CCDC88C: variants seen among roughly 807,000 people sequenced by gnomAD.
CCDC88C encodes the protein protein Daple.
Under a neutral mutation model 198.8 loss-of-function variants are expected in CCDC88C, and 131 were observed. That is an observed-to-expected ratio of 0.66 (90% confidence interval 0.57 to 0.76). CCDC88C has a LOEUF of 0.76. CCDC88C is among the 30% of genes least tolerant of loss of function. The pLI is 0.00. For missense variants in CCDC88C, 2,553 were observed against 2,631.6 expected, an observed-to-expected ratio of 0.97 and a Z score of 0.65; for synonymous variants, 1,166 against 1,114.7, an observed-to-expected ratio of 1.05 and a Z score of -0.92.
rs536963700 is a variant in CCDC88C at position 91,322,120 on chromosome 14, C to G, written c.1343-816G>C. 2.6e-3 allele frequency among the ~76,000 whole-genome samples: 389 copies of G among 152,212 alleles called. 5 individuals are homozygous for G. Among genetic ancestry groups the G allele is most frequent in the South Asian group, 1.0e-2 (48 of 4,818 alleles). On this transcript the variant is annotated intron_variant, in intron 12 of 29. Transcript: ENST00000389857. ...TAAGAAAGGAGCCCGGTTCTTCCCCCCTTCATTTACCCAACCCAGTGCCAC... is the reference window on the plus strand; with the variant it reads ...TAAGAAAGGAGCCCGGTTCTTCCCCGCTTCATTTACCCAACCCAGTGCCAC...
At chr14:91,319,539 C>T (rs1224398346) in intron 13 of CCDC88C, among the ~76,000 whole-genome samples, 1 of 152,224 alleles carries the variant, frequency 6.6e-6, no homozygotes, top group African/African-American at 2.4e-5. Flanking sequence ...GGCTTTGCAG[C>T]CCCAAAGATG....
chr14:91,358,921 C>G (rs909427952), intron 4 of CCDC88C, among the ~76,000 whole-genome samples: 1 of 152,104 alleles, frequency 6.6e-6, no homozygotes, highest in Non-Finnish European at 1.5e-5. Context: ...GCTCCGTCAC[C>G]GAGCATGAAC....
At chr14:91,281,004 T>C (rs1054005702) in intron 27 of CCDC88C, among the ~76,000 whole-genome samples, 1 of 152,250 alleles carries the variant, frequency 6.6e-6, no homozygotes, top group Non-Finnish European at 1.5e-5. Context: ...AGGCAGGTAC[T>C]GTTTACTGTC....
intron 10 of CCDC88C, among the ~76,000 whole-genome samples, chr14:91,331,424 G>C (rs1892821039): frequency 6.6e-6 from 1 of 152,206 alleles, no homozygotes; most frequent in Non-Finnish European, 1.5e-5. Flanking sequence ...CTGGGGCCCT[G>C]TCTCCAGGCC....
At chr14:91,345,224 ACT>A (rs1893496939) in intron 4 of CCDC88C, among the ~76,000 whole-genome samples, 2 of 102,388 alleles carry the variant, frequency 2.0e-5, no homozygotes, top group African/African-American at 4.2e-5. Context: ...ACAGAGTCTC[ACT>A]CTGTCACCCA....
chr14:91,393,555 C>T (rs962173592), intron 3 of CCDC88C, among the ~76,000 whole-genome samples: 4 of 152,184 alleles, frequency 2.6e-5, no homozygotes, highest in African/African-American at 9.7e-5. Context: ...CAAAATAGCC[C>T]AGAGTTCTCA....
At chr14:91,292,362 G>C (rs200643373) in intron 23 of CCDC88C, among the ~76,000 whole-genome samples, 2 of 148,452 alleles carry the variant, frequency 1.3e-5, no homozygotes, top group Non-Finnish European at 3.0e-5. Flanking sequence ...ATGCAAAAAC[G>C]TCATCAAATA....
chr14:91,278,078 G>C lies in CCDC88C; in HGVS notation c.4902C>G (p.Pro1634=), dbSNP rs1401306090. The C allele has an allele frequency of 6.2e-7, 1 of 1,612,512 alleles. No homozygotes were observed. The highest frequency in any genetic ancestry group is 8.5e-7 in the Non-Finnish European group (1 of 1,179,396). Residue 1634 remains proline (P), a synonymous_variant, in exon 29 of 30, where the codon CCC becomes CCG. Transcript: ENST00000389857. ...GRNALGRHEY[P]LPRNGPLPQE... ...GTGGGAGAGGCCCGTTCCGAGGCAA[G>C]GGGTACTCGTGGCGGCCGAGGGCGT...
intron 2 of CCDC88C, among the ~76,000 whole-genome samples, chr14:91,412,895 A>G (rs1261862200): frequency 6.6e-6 from 1 of 152,168 alleles, no homozygotes; most frequent in East Asian, 1.9e-4. Flanking sequence ...CTTTTATCCT[A>G]AGCTTCTACA....
chr14:91,367,005 G>T (rs1368870673), intron 3 of CCDC88C, among the ~76,000 whole-genome samples: 1 of 152,264 alleles, frequency 6.6e-6, no homozygotes, highest in East Asian at 1.9e-4. Flanking sequence ...GCATGTGGCA[G>T]AGGTTAGCTT....
chr14:91,295,975 C>T (rs1209195546), intron 22 of CCDC88C, among the ~76,000 whole-genome samples: 2 of 152,224 alleles, frequency 1.3e-5, no homozygotes, highest in African/African-American at 4.8e-5. Context: ...AGAGCACTGC[C>T]TGCAAGCCAG....
At chr14:91,291,955 C>T (rs1050843082) in intron 23 of CCDC88C, among the ~76,000 whole-genome samples, 24 of 152,200 alleles carry the variant, frequency 1.6e-4, no homozygotes, top group African/African-American at 5.3e-4. Flanking sequence ...TTCGGAGCCG[C>T]GCTGCCCATG....
chr14:91,330,879 G>T (rs960599250), intron 10 of CCDC88C, among the ~76,000 whole-genome samples: 2 of 152,106 alleles, frequency 1.3e-5, no homozygotes, highest in Non-Finnish European at 2.9e-5. Context: ...AAGGCGGCAG[G>T]GCAGGTGAGC....
chr14:91,403,004 C>T (rs1374158487), intron 3 of CCDC88C, among the ~76,000 whole-genome samples: 6 of 152,136 alleles, frequency 3.9e-5, no homozygotes, highest in Admixed American at 3.9e-4. Context: ...TGATCGTAAA[C>T]TCTAAATCTC....
intron 12 of CCDC88C, among the ~76,000 whole-genome samples, chr14:91,322,779 T>A (rs61988401): frequency 0.062 from 9,425 of 152,276 alleles, 322 homozygotes; most frequent in African/African-American, 0.084. Flanking sequence ...ACCACAGAGA[T>A]TAATTTTTAA....
intron 3 of CCDC88C, among the ~76,000 whole-genome samples, chr14:91,391,150 C>T (rs1343340190): frequency 6.6e-6 from 1 of 152,094 alleles, no homozygotes; most frequent in Non-Finnish European, 1.5e-5. Context: ...TCACTGGCAC[C>T]TGTGTGTTGA....
In CCDC88C at chr14:91,272,790, A is replaced by C. The variant is rs777585873; in HGVS notation, c.5922T>G (p.Ser1974Arg). Residue 1974 changes from serine to arginine, a missense_variant, in exon 30 of 30, where the codon AGT becomes AGG. Ser to Arg is a moderately radical substitution (Grantham distance 110). This residue lies in a region of CCDC88C where 1,293 missense variants were observed against 1,219.6 expected (regional missense o/e 1.06). Transcript: ENST00000389857. Reference sequence around the variant, plus strand: ...CTGGGCTCTTGGCCGGAAGCCCCTCACTGCAGCCCTGCCCCGGGACCCCGT... The same window carrying C: ...CTGGGCTCTTGGCCGGAAGCCCCTCCCTGCAGCCCTGCCCCGGGACCCCGT... ...EGDGVPGQGC[S>R]EGLPAKSPGR... The C allele has an allele frequency of 2.4e-5, 38 of 1,603,474 alleles. 1 individual carries two copies. The highest frequency in any genetic ancestry group is 3.3e-4 in the Middle Eastern group (2 of 6,020).
At chr14:91,300,657 C>T (rs1304919883) in intron 20 of CCDC88C, among the ~76,000 whole-genome samples, 1 of 152,160 alleles carries the variant, frequency 6.6e-6, no homozygotes, top group African/African-American at 2.4e-5. Flanking sequence ...TCTCCTCAGG[C>T]GCCTTAGCCA....
rs1463116896 is a variant in CCDC88C, at chr14:91,293,499, C to CCCGCCACAG, written c.4112+673_4112+674insCTGTGGCGG. Among the ~76,000 whole-genome samples, 4 of 144,518 alleles carry CCCGCCACAG rather than the reference C, an allele frequency of 2.8e-5. 2 individuals carry two copies. The highest frequency in any genetic ancestry group is 1.0e-4 in the African/African-American group (4 of 39,154). 94.8% of individuals were successfully genotyped at this position (144,518 alleles called of 152,430 possible). On this transcript the variant is annotated intron_variant, in intron 23 of 29. Coordinates refer to ENST00000389857, the MANE Select transcript of CCDC88C (RefSeq NM_001080414.4). ...GCCACAGCTCACCTTCCCATCCTCA[C>CCCGCCACAG]CTGCCACGGCCTACCTTCCTGTCCC...
Sources: allele counts gnomAD v4.1 joint callset (sites outside exome capture counted in the v4.1 genomes callset), GRCh38; gene constraint gnomAD v4.1.1; regional missense constraint gnomAD v4.1.1; transcripts MANE v1.5; gene names NCBI Gene and HGNC (gene_info 2026-07-23, HGNC 2026-07-21).